RHOBTB1: variants seen among roughly 807,000 people sequenced by gnomAD.
RHOBTB1 encodes Rho related BTB domain containing 1, also known as rho-related BTB domain-containing protein 1.
In RHOBTB1, 40 loss-of-function variants were observed where a neutral mutation model predicts 71.6. The observed-to-expected ratio is 0.56, with a 90% CI of 0.43 to 0.73. The LOEUF (loss-of-function observed/expected upper bound fraction) is 0.73, where lower values mean the gene tolerates loss of function less well. Among genes scored for constraint, RHOBTB1 ranks in the 30% least tolerant of loss-of-function variants. The pLI is 0.00. For synonymous variants in RHOBTB1, 319 were observed against 334.9 expected (o/e 0.95, Z 0.52); for missense variants, 797 against 894.0 (o/e 0.89, Z 1.38).
At chr10:60,885,258 G>A (rs1385544633) in intron 7 of RHOBTB1, among the ~76,000 whole-genome samples, 2 of 152,148 alleles carry the variant, frequency 1.3e-5, no homozygotes, top group Non-Finnish European at 2.9e-5. Context: ...CACAGTATAT[G>A]TATATTGAAA....
At chr10:60,900,798 C>T (rs558477026) in intron 4 of RHOBTB1, among the ~76,000 whole-genome samples, 1 of 152,286 alleles carries the variant, frequency 6.6e-6, no homozygotes, top group African/African-American at 2.4e-5. Flanking sequence ...TACAGTTCTT[C>T]AGACTGTTAA....
rs760988598 is a variant in RHOBTB1, at chr10:60,910,950, ACACT to A, written c.229_232del (p.Ser77PhefsTer38). 6.2e-7 allele frequency: 1 copy of A among 1,614,130 alleles called. No homozygotes were observed. The highest frequency in any genetic ancestry group is 8.5e-7 in the Non-Finnish European group (1 of 1,180,028). ...AAAAGTATCCCAAAGCCTGAGAGAA[ACACT>A]CACTTCATCAACAACATCCCGAGAA... On this transcript the variant is annotated frameshift_variant, in exon 4 of 11. Transcript: ENST00000337910. LOFTEE classifies it high-confidence loss of function.
intron 2 of RHOBTB1, among the ~76,000 whole-genome samples, chr10:60,934,135 T>C (rs758141422): frequency 2.6e-5 from 4 of 152,150 alleles, no homozygotes; most frequent in Non-Finnish European, 5.9e-5. Context: ...GGAAATAAAA[T>C]ATCTTTGTGT....
chr10:60,977,247 T>C (rs965255387), intron 2 of RHOBTB1, among the ~76,000 whole-genome samples: 2 of 152,016 alleles, frequency 1.3e-5, no homozygotes, highest in East Asian at 1.9e-4. Flanking sequence ...TTAAGTACCA[T>C]ACACTTTCAA....
intron 1 of RHOBTB1, 29 bp downstream of exon 1, chr10:60,943,942 G>A (rs1488356172): frequency 6.6e-6 from 1 of 151,958 alleles, no homozygotes; most frequent in Admixed American, 6.5e-5. Flanking sequence ...AAGTTTCATA[G>A]CATAGAGCAC....
At chr10:60,980,954 C>A (rs2086475803) in intron 2 of RHOBTB1, among the ~76,000 whole-genome samples, 1 of 152,038 alleles carries the variant, frequency 6.6e-6, no homozygotes, top group African/African-American at 2.4e-5. Context: ...AATTAGGTGG[C>A]TAATTAAAAA....
intron 7 of RHOBTB1, among the ~76,000 whole-genome samples, chr10:60,881,915 G>A (rs754151635): frequency 1.3e-5 from 2 of 151,994 alleles, no homozygotes; most frequent in Non-Finnish European, 1.5e-5. Context: ...TGAATATAAC[G>A]TTAACATTTT....
intron 2 of RHOBTB1, among the ~76,000 whole-genome samples, chr10:60,965,148 C>G (rs115730426): frequency 6.6e-5 from 10 of 152,150 alleles, no homozygotes; most frequent in Non-Finnish European, 1.3e-4. Context: ...TACAAAGAAA[C>G]TTACCATTCA....
At chr10:60,872,411 CCTCTT>C (rs2132175679) in intron 9 of RHOBTB1, 121 bp from the exon 10 acceptor site, 2 of 712,454 alleles carry the variant, frequency 2.8e-6, no homozygotes, top group South Asian at 3.6e-5. Context: ...ATTCGGTAAA[CCTCTT>C]GTTTTGACCT....
intron 2 of RHOBTB1, among the ~76,000 whole-genome samples, chr10:60,961,740 A>C (rs1185871261): frequency 6.6e-6 from 1 of 152,148 alleles, no homozygotes; most frequent in Non-Finnish European, 1.5e-5. Flanking sequence ...ATTCTAAGGA[A>C]GATAAGTTAT....
intron 2 of RHOBTB1, among the ~76,000 whole-genome samples, chr10:60,931,560 A>G (rs2084255720): frequency 6.6e-6 from 1 of 152,214 alleles, no homozygotes; most frequent in African/African-American, 2.4e-5. Context: ...TATTACTTCT[A>G]TAATGAGAAA....
upstream of RHOBTB1, among the ~76,000 whole-genome samples, chr10:60,945,216 T>G (rs1436924708): frequency 6.6e-6 from 1 of 152,114 alleles, no homozygotes; most frequent in East Asian, 1.9e-4. Flanking sequence ...AACCCATCAC[T>G]CCTAGCCTGT....
chr10:60,940,000 A>C (rs958535316), intron 2 of RHOBTB1, among the ~76,000 whole-genome samples: 1 of 152,192 alleles, frequency 6.6e-6, no homozygotes, highest in Non-Finnish European at 1.5e-5. Context: ...ATTATATACC[A>C]TTATCACAAC....
chr10:60,900,155 C>T (rs1351576552), intron 4 of RHOBTB1, among the ~76,000 whole-genome samples: 5 of 152,130 alleles, frequency 3.3e-5, no homozygotes, highest in Non-Finnish European at 4.4e-5. Context: ...TGAACAGTGT[C>T]AGTCCATTGC....
upstream of RHOBTB1, among the ~76,000 whole-genome samples, chr10:60,945,284 A>G (rs1048775367): frequency 6.6e-5 from 10 of 152,298 alleles, no homozygotes; most frequent in African/African-American, 2.4e-4. Context: ...AGGAATGAAT[A>G]TATTCATTTA....
intron 2 of RHOBTB1, among the ~76,000 whole-genome samples, chr10:60,929,802 G>C (rs907227042): frequency 6.6e-6 from 1 of 152,106 alleles, no homozygotes; most frequent in African/African-American, 2.4e-5. Context: ...ATAAACCAAT[G>C]TCAGATTAAG....
chr10:60,876,771 G>A (rs749528547), intron 8 of RHOBTB1, among the ~76,000 whole-genome samples: 25 of 152,154 alleles, frequency 1.6e-4, no homozygotes, highest in Non-Finnish European at 3.4e-4. Flanking sequence ...AACTGGGGAG[G>A]AAGTAGGACA....
chr10:61,001,325 T>A (rs892083248), intron 1 of RHOBTB1: 23 of 151,816 alleles, frequency 1.5e-4, no homozygotes, highest in African/African-American at 5.5e-4. Flanking sequence ...AGACCCCCCA[T>A]AATCCCGCCC....
At chr10:60,911,640 C>G (rs565755932) in intron 2 of RHOBTB1, 88 bp from the exon 3 acceptor site, 6 of 1,041,356 alleles carry the variant, frequency 5.8e-6, no homozygotes, top group Admixed American at 3.6e-5. Context: ...GTTTTGCCTT[C>G]GTCCAGCCAC....
Sources: allele counts gnomAD v4.1 joint callset (sites outside exome capture counted in the v4.1 genomes callset), GRCh38; gene constraint gnomAD v4.1.1; transcripts MANE v1.5; gene names NCBI Gene and HGNC (gene_info 2026-07-23, HGNC 2026-07-21).